The following OSBPL2 variants were observed in gnomAD, a reference collection of about 807,000 sequenced individuals.
OSBPL2 encodes oxysterol-binding protein-related protein 2.
A neutral mutation model predicts 58.4 loss-of-function variants in OSBPL2; 18 were observed. The observed-to-expected ratio is 0.31, with a 90% CI of 0.21 to 0.46. The LOEUF (loss-of-function observed/expected upper bound fraction) is 0.46, where lower values mean the gene tolerates loss of function less well. Among genes scored for constraint, OSBPL2 ranks in the 20% least tolerant of loss-of-function variants. The probability of loss-of-function intolerance (pLI) is 1.00; values close to 1 mark genes in which losing one functional copy is unlikely to be tolerated. For missense variants in OSBPL2, 461 were observed against 616.5 expected, an observed-to-expected ratio of 0.75 and a Z score of 2.67; for synonymous variants, 221 against 234.1, an observed-to-expected ratio of 0.94 and a Z score of 0.51.
intron 5 of OSBPL2, among the ~76,000 whole-genome samples, chr20:62,273,092 A>G (rs1018492556): frequency 6.6e-5 from 10 of 152,202 alleles, no homozygotes; most frequent in African/African-American, 2.2e-4. Context: ...GGCAGCACCC[A>G]GTTCCTTCTT....
At chr20:62,266,203 G>T (rs1403445587) in intron 4 of OSBPL2, among the ~76,000 whole-genome samples, 1 of 152,196 alleles carries the variant, frequency 6.6e-6, no homozygotes, top group Non-Finnish European at 1.5e-5. Context: ...TTCCCTAGGT[G>T]AGGGTTGTGG....
intron 4 of OSBPL2, among the ~76,000 whole-genome samples, chr20:62,264,392 G>C (rs1417953384): frequency 1.3e-5 from 2 of 152,182 alleles, no homozygotes; most frequent in African/African-American, 4.8e-5. Context: ...TTTCCTGACT[G>C]TGAGAACCCA....
intron 4 of OSBPL2, among the ~76,000 whole-genome samples, chr20:62,271,023 T>TC (rs1049973284): frequency 3.3e-5 from 5 of 151,040 alleles, no homozygotes; most frequent in Non-Finnish European, 7.4e-5. Context: ...CCTTTCCTTG[T>TC]CCCTTTCTGG....
chr20:62,288,370 G>A lies in OSBPL2; in HGVS notation c.1126-837G>A, dbSNP rs1231815577. 6.6e-6 allele frequency among the ~76,000 whole-genome samples: 1 copy of A among 152,104 alleles called. No individual in the cohort carries two copies. Among genetic ancestry groups the A allele is most frequent in the Admixed American group, 6.5e-5 (1 of 15,274 alleles). ...GAGTGGAGCCAGGGCCCTGAGGGCT[G>A]CAGAGGCCGGAGGCTGTGGGTGCAG... On this transcript the variant is annotated intron_variant, in intron 11 of 13. Transcript: ENST00000313733. This position sits in a 1 kb window ranked among gnomAD's most constrained non-coding sequence, Gnocchi z 4.8.
chr20:62,291,763 G>A lies in OSBPL2; in HGVS notation c.1310G>A (p.Arg437Gln), dbSNP rs1379171340. The change falls in exon 13 of 14, where the codon CGG becomes CAG. Residue 437 changes from arginine (R) to glutamine (Q), a missense_variant. Arg to Gln is a conservative substitution (Grantham distance 43). Around this residue, in one of 5 missense-constraint regions of OSBPL2, gnomAD observed 319 missense variants for 419.2 expected, o/e 0.76. Transcript: ENST00000313733. ...AAGCAGAGAGAAGCACGGAGGGAGC[G>A]GGCCAAGGAGGAGGCAGAGTGGCAG... is the stretch of plus-strand genomic sequence containing the variant. ...EEKQREARRE[R>Q]AKEEAEWQTR... 3.7e-6 allele frequency: 6 copies of A among 1,613,386 alleles called. No individual in the cohort carries two copies. The highest frequency in any genetic ancestry group is 4.5e-5 in the East Asian group (2 of 44,880).
intron 1 of OSBPL2, among the ~76,000 whole-genome samples, chr20:62,250,846 G>A (rs1980475924): frequency 6.6e-6 from 1 of 152,108 alleles, no homozygotes; most frequent in Non-Finnish European, 1.5e-5. Flanking sequence ...GATGGCTTGG[G>A]TGCTGGAGGT....
intron 6 of OSBPL2, among the ~76,000 whole-genome samples, chr20:62,277,647 T>G (rs1355600995): frequency 6.6e-6 from 1 of 152,254 alleles, no homozygotes; most frequent in Non-Finnish European, 1.5e-5. Flanking sequence ...CTCAGACAAG[T>G]ATTCATTTTG....
chr20:62,241,465 T>G (rs1979728919), intron 1 of OSBPL2, among the ~76,000 whole-genome samples: 1 of 152,374 alleles, frequency 6.6e-6, no homozygotes, highest in East Asian at 1.9e-4. Flanking sequence ...GTTGACACAT[T>G]TTAGGTTCTT....
At chr20:62,284,416 G>A in intron 10 of OSBPL2, 1 of 480,608 alleles carries the variant, frequency 2.1e-6, no homozygotes, top group South Asian at 2.2e-5. Flanking sequence ...TCCCTCTGTT[G>A]CCCAGGCTGG....
At chr20:62,259,337 T>TA (rs1214676472) in intron 2 of OSBPL2, 6 of 152,246 alleles carry the variant, frequency 3.9e-5, no homozygotes, top group Admixed American at 3.9e-4. Flanking sequence ...GGCCGGCCGT[T>TA]CTTCTCCAGG....
At chr20:62,249,789 G>A (rs1980400508) in intron 1 of OSBPL2, among the ~76,000 whole-genome samples, 1 of 152,106 alleles carries the variant, frequency 6.6e-6, no homozygotes, top group Non-Finnish European at 1.5e-5. Flanking sequence ...TGGTCAGGCT[G>A]GTCTGAACTC....
At chr20:62,286,893 G>A (rs576760871) in intron 11 of OSBPL2, among the ~76,000 whole-genome samples, 182 bp downstream of exon 11, 12 of 152,364 alleles carry the variant, frequency 7.9e-5, no homozygotes, top group Admixed American at 2.0e-4. Context: ...CTGGAGCTGC[G>A]TCCCGGCCCT....
intron 1 of OSBPL2, among the ~76,000 whole-genome samples, chr20:62,251,636 G>A (rs573937797): frequency 6.6e-6 from 1 of 151,474 alleles, no homozygotes; most frequent in East Asian, 2.0e-4. Context: ...TTGAACTCCT[G>A]ACCTCAGGTG....
intron 4 of OSBPL2, among the ~76,000 whole-genome samples, chr20:62,265,472 T>G (rs1981604076): frequency 6.6e-6 from 1 of 152,218 alleles, no homozygotes; most frequent in Non-Finnish European, 1.5e-5. Context: ...TTTCCCTGCC[T>G]TAACCCTGGA....
At position 62,293,917 on chromosome 20, in the gene OSBPL2, G is replaced by C. The variant is rs745662875; in HGVS notation, c.*30G>C. On this transcript the variant is annotated 3_prime_UTR_variant, in exon 14 of 14. Coordinates refer to ENST00000313733, the MANE Select transcript of OSBPL2 (RefSeq NM_144498.4). ...CTGGAGGGGCCTGGGGCCCGGGACC[G>C]GAGGCTGACGAGGCTGGACTTCCTC... 6.2e-7 allele frequency: 1 copy of C among 1,606,436 alleles called. No individual in the cohort carries two copies.
chr20:62,241,037 C>T (rs967599125), intron 1 of OSBPL2, among the ~76,000 whole-genome samples: 2 of 152,118 alleles, frequency 1.3e-5, no homozygotes, highest in Non-Finnish European at 2.9e-5. Context: ...GCCTCGAGTG[C>T]GTTGAGAGGG....
At chr20:62,283,977 G>T in intron 9 of OSBPL2, 69 bp from the exon 10 acceptor site, 2 of 1,450,620 alleles carry the variant, frequency 1.4e-6, no homozygotes, top group Non-Finnish European at 1.9e-6. Context: ...TTATTCCAGG[G>T]TGCCACATGT....
intron 6 of OSBPL2, among the ~76,000 whole-genome samples, chr20:62,273,908 G>T (rs1982228641): frequency 6.6e-6 from 1 of 152,242 alleles, no homozygotes; most frequent in Admixed American, 6.5e-5. Context: ...GGAAGGGTCA[G>T]ACGGCTCTGG....
intron 1 of OSBPL2, among the ~76,000 whole-genome samples, chr20:62,251,865 C>CTTTTT (rs147891445): frequency 0.027 from 1,120 of 41,766 alleles, 310 homozygotes; most frequent in African/African-American, 0.039. Flanking sequence ...ATTGGTATGC[C>CTTTTT]TTTTTTTTTT....
Sources: allele counts gnomAD v4.1 joint callset (sites outside exome capture counted in the v4.1 genomes callset), GRCh38; gene constraint gnomAD v4.1.1; regional missense constraint gnomAD v4.1.1; non-coding constraint Gnocchi (gnomAD v3.1); transcripts MANE v1.5; gene names NCBI Gene and HGNC (gene_info 2026-07-23, HGNC 2026-07-21).